The following FANCC variants were observed in gnomAD, a reference collection of about 807,000 sequenced individuals.
FANCC encodes FA complementation group C.
A neutral mutation model predicts 71.3 loss-of-function variants in FANCC; 55 were observed. The ratio of observed to expected loss-of-function variants is 0.77; its 90% CI spans 0.62 to 0.97. The LOEUF (loss-of-function observed/expected upper bound fraction) is 0.97, where lower values mean the gene tolerates loss of function less well. Ranked by LOEUF, FANCC falls within the 50% of genes least tolerant of loss-of-function variation. The probability of loss-of-function intolerance (pLI) is 0.00; values close to 1 mark genes in which losing one functional copy is unlikely to be tolerated. For missense variants in FANCC, 678 were observed against 670.9 expected (o/e 1.01, Z -0.12); for synonymous variants, 275 against 244.9 (o/e 1.12, Z -1.15).
intron 1 of FANCC, among the ~76,000 whole-genome samples, chr9:95,300,456 C>CT (rs755514648): frequency 0.012 from 1,742 of 143,138 alleles, 14 homozygotes; most frequent in Middle Eastern, 0.04. Flanking sequence ...AATACAATTT[C>CT]TTTTTTTTTT....
intron 1 of FANCC, among the ~76,000 whole-genome samples, chr9:95,252,274 C>CAAAAAAAAA (rs71366284): frequency 1.0e-4 from 5 of 50,144 alleles, no homozygotes; most frequent in South Asian, 1.1e-3. Flanking sequence ...GAGACTGATT[C>CAAAAAAAAA]AAAAAAAAAA....
intron 4 of FANCC, among the ~76,000 whole-genome samples, chr9:95,213,220 A>G (rs1231518922): frequency 6.6e-6 from 1 of 152,210 alleles, no homozygotes; most frequent in African/African-American, 2.4e-5. Context: ...TGTGGCTCAC[A>G]TTATATTTCT....
In FANCC at chr9:95,306,758, C is replaced by T. The variant is rs966784571; in HGVS notation, c.-79+10768G>A. Among the ~76,000 whole-genome samples the T allele has an allele frequency of 1.1e-4, 16 of 152,296 alleles. 1 individual carries two copies. The highest frequency in any genetic ancestry group is 3.6e-4 in the African/African-American group (15 of 41,558). ...AAAAGCTGTACACACACAATCAACC[C>T]AAGAAGTTCATCAGTAGCTATCCTC... On this transcript the variant is annotated intron_variant, in intron 1 of 14. Transcript: ENST00000289081.
chr9:95,147,275 T>G (rs1829691179), intron 7 of FANCC, among the ~76,000 whole-genome samples: 1 of 152,102 alleles, frequency 6.6e-6, no homozygotes, highest in South Asian at 2.1e-4. Flanking sequence ...CCCAGCACTT[T>G]GGGAGGCCGA....
intron 4 of FANCC, among the ~76,000 whole-genome samples, chr9:95,176,559 C>G (rs930646575): frequency 1.3e-5 from 2 of 152,212 alleles, no homozygotes; most frequent in African/African-American, 4.8e-5. Flanking sequence ...TTGTGACAAC[C>G]ACAATTTACC....
At chr9:95,105,435 AG>A (rs1421935064) in intron 14 of FANCC, among the ~76,000 whole-genome samples, 1 of 152,234 alleles carries the variant, frequency 6.6e-6, no homozygotes, top group African/African-American at 2.4e-5. Context: ...TGTCAACAAA[AG>A]TACAAATAAA....
intron 1 of FANCC, among the ~76,000 whole-genome samples, chr9:95,272,857 T>C (rs1337537370): frequency 6.6e-6 from 1 of 152,266 alleles, no homozygotes; most frequent in East Asian, 1.9e-4. Flanking sequence ...GCTTGATTTC[T>C]TCACACTCTT....
chr9:95,272,524 T>C (rs1832800686), intron 1 of FANCC, among the ~76,000 whole-genome samples: 1 of 152,018 alleles, frequency 6.6e-6, no homozygotes, highest in African/African-American at 2.4e-5. Flanking sequence ...AGTGAAACCC[T>C]GTCACTACTA....
chr9:95,220,949 G>A (rs1312915833), intron 4 of FANCC, among the ~76,000 whole-genome samples: 1 of 151,982 alleles, frequency 6.6e-6, no homozygotes, highest in Admixed American at 6.6e-5. Context: ...AAAACTGTCT[G>A]GGCCGGGCGT....
intron 4 of FANCC, among the ~76,000 whole-genome samples, chr9:95,192,363 T>C (rs924152735): frequency 2.0e-5 from 3 of 152,182 alleles, no homozygotes; most frequent in African/African-American, 7.2e-5. Context: ...CAGTTGAAAC[T>C]TGACGCCCCA....
intron 3 of FANCC, among the ~76,000 whole-genome samples, chr9:95,246,432 G>A (rs539562059): frequency 1.4e-4 from 21 of 152,166 alleles, no homozygotes; most frequent in Admixed American, 8.5e-4. Flanking sequence ...ACATCAAAGG[G>A]GAATATTCAT....
chr9:95,189,409 G>A (rs1030017278), intron 4 of FANCC, among the ~76,000 whole-genome samples: 6 of 152,214 alleles, frequency 3.9e-5, no homozygotes, highest in East Asian at 1.9e-4. Flanking sequence ...AGCCTATTCC[G>A]TGAGCAGGAT....
Position 95,099,411 on chromosome 9 carries a change from C to T in FANCC, c.*2296G>A, listed in dbSNP as rs561975553. 93 of 227,532 alleles carry T rather than the reference C, an allele frequency of 4.1e-4. 1 individual carries two copies. Among genetic ancestry groups the T allele is most frequent in the Admixed American group, 3.4e-4 (6 of 17,398 alleles). 14.1% of individuals were successfully genotyped at this position (227,532 alleles called of 1,614,324 possible). A position where few individuals can be genotyped will look rare whatever the true frequency, so the allele number is the denominator to read the frequency against. On this transcript the variant is annotated 3_prime_UTR_variant, in exon 15 of 15. Transcript: ENST00000289081. ...CCCTGTGCCCAGGCCCCGCCAACGC[C>T]GTCAAGGCCCCCTCGGCCACGCCGC...
intron 12 of FANCC, among the ~76,000 whole-genome samples, chr9:95,111,965 C>T (rs527685529): frequency 3.3e-5 from 5 of 152,232 alleles, no homozygotes; most frequent in Admixed American, 6.5e-5. Flanking sequence ...CAGGATGTGG[C>T]GGCACACCTC....
chr9:95,151,623 T>C (rs931850938), intron 6 of FANCC, among the ~76,000 whole-genome samples: 8 of 152,158 alleles, frequency 5.3e-5, no homozygotes, highest in African/African-American at 1.9e-4. Context: ...GTGTGAGTAT[T>C]TGCATACTGA....
intron 4 of FANCC, among the ~76,000 whole-genome samples, chr9:95,223,973 G>A (rs1217339431): frequency 1.3e-5 from 2 of 152,218 alleles, no homozygotes; most frequent in East Asian, 1.9e-4. Flanking sequence ...GTGAAACTCC[G>A]TCTCAAGGAA....
At chr9:95,267,179 A>G (rs1393085164) in intron 1 of FANCC, among the ~76,000 whole-genome samples, 2 of 152,146 alleles carry the variant, frequency 1.3e-5, no homozygotes, top group African/African-American at 4.8e-5. Context: ...CAGAGGCACA[A>G]ACGACAGAGT....
chr9:95,218,331 G>A (rs1829007111), intron 4 of FANCC, among the ~76,000 whole-genome samples: 1 of 152,124 alleles, frequency 6.6e-6, no homozygotes, highest in African/African-American at 2.4e-5. Context: ...CAGCTGCAGA[G>A]GTACATGCCT....
chr9:95,112,795 G>C (rs1255082476), intron 12 of FANCC, among the ~76,000 whole-genome samples: 1 of 152,242 alleles, frequency 6.6e-6, no homozygotes, highest in Non-Finnish European at 1.5e-5. Flanking sequence ...GTGGCCACCT[G>C]AAAGGTATCT....
Sources: allele counts gnomAD v4.1 joint callset (sites outside exome capture counted in the v4.1 genomes callset), GRCh38; gene constraint gnomAD v4.1.1; transcripts MANE v1.5; gene names NCBI Gene and HGNC (gene_info 2026-07-23, HGNC 2026-07-21).